ATG2B: variants seen among roughly 807,000 people sequenced by gnomAD.
ATG2B encodes autophagy related 2B.
ATG2B carries 121 observed loss-of-function variants against 241.3 expected under a neutral mutation model. The observed-to-expected ratio is 0.50, with a 90% CI of 0.43 to 0.58. The LOEUF (loss-of-function observed/expected upper bound fraction) is 0.58. ATG2B is among the 20% of genes least tolerant of loss of function. ATG2B has a pLI of 0.00. For missense variants in ATG2B, 2,306 were observed against 2,491.6 expected (o/e 0.93, Z 1.59); for synonymous variants, 858 against 876.6 (o/e 0.98, Z 0.37).
chr14:96,355,900 G>A (rs149105603), intron 1 of ATG2B, among the ~76,000 whole-genome samples: 110 of 152,180 alleles, frequency 7.2e-4, no homozygotes, highest in African/African-American at 2.6e-3. Flanking sequence ...GGCTGAGGGC[G>A]GTGGCTCACA....
chr14:96,287,186 A>G (rs1336625970), intron 41 of ATG2B, among the ~76,000 whole-genome samples: 1 of 144,546 alleles, frequency 6.9e-6, no homozygotes, highest in Non-Finnish European at 1.5e-5. Context: ...ACCAGGAGGC[A>G]GAGCTTGCAG....
intron 5 of ATG2B, 57 bp downstream of exon 5, chr14:96,343,062 A>AT: frequency 7.2e-7 from 1 of 1,397,112 alleles, no homozygotes; most frequent in East Asian, 2.4e-5. Context: ...AATAGCCCCC[A>AT]TTTAAACCTT....
At position 96,312,092 on chromosome 14, in the gene ATG2B, T is replaced by A; in HGVS notation, c.3910A>T (p.Arg1304Ter). ...KCNTVTINLSRDYVRVMDMGL... is the reference protein window; with the variant it reads ...KCNTVTINLS ...CCATTTGTTTTTTAACTCTTACCTC[T>A]ACTCAGATTTATAGTGACAGTATTG... is the stretch of plus-strand genomic sequence containing the variant. Residue 1304 changes from arginine to a stop codon, truncating the protein, a stop_gained, in exon 26 of 42, where the codon AGA becomes TGA. Coordinates refer to ENST00000359933, the MANE Select transcript of ATG2B (RefSeq NM_018036.7). LOFTEE classifies it high-confidence loss of function. The A allele has an allele frequency of 6.2e-7, 1 of 1,604,842 alleles. No individual in the cohort carries two copies. The highest frequency in any genetic ancestry group is 8.5e-7 in the Non-Finnish European group (1 of 1,175,692).
chr14:96,307,589 T>C (rs1011974923), intron 29 of ATG2B, among the ~76,000 whole-genome samples: 6 of 151,994 alleles, frequency 3.9e-5, no homozygotes, highest in African/African-American at 1.2e-4. Context: ...GACAATTCTG[T>C]CCTATAGGCG....
chr14:96,313,217 AAACAAC>A (rs750355194), intron 24 of ATG2B, 60 bp from the exon 25 acceptor site: 2 of 1,401,892 alleles, frequency 1.4e-6, no homozygotes, highest in African/African-American at 2.9e-5. Flanking sequence ...ACTCTATTAA[AAACAAC>A]AACAACAACA....
In ATG2B at chr14:96,302,109, C is replaced by A; in HGVS notation, c.5038-1G>T. Reference sequence around the variant, plus strand: ...ACACGTGTAAGGCTTTCACTGTCAACTACAAGGCAAGAAAGAGAATAACAT... The same window carrying A: ...ACACGTGTAAGGCTTTCACTGTCAAATACAAGGCAAGAAAGAGAATAACAT... On this transcript the variant is annotated splice_acceptor_variant, in intron 33 of 41. Transcript: ENST00000359933. LOFTEE classifies it high-confidence loss of function. 1.3e-6 allele frequency: 2 copies of A among 1,595,544 alleles called. No homozygotes were observed. The highest frequency in any genetic ancestry group is 1.7e-6 in the Non-Finnish European group (2 of 1,164,264).
At chr14:96,287,203 G>A (rs965239550) in intron 41 of ATG2B, among the ~76,000 whole-genome samples, 5 of 129,048 alleles carry the variant, frequency 3.9e-5, no homozygotes, top group Non-Finnish European at 4.6e-5. Context: ...GCAGAGAGCC[G>A]AGATCATGCC....
At chr14:96,314,737 T>C (rs1887258590) in intron 23 of ATG2B, among the ~76,000 whole-genome samples, 1 of 152,238 alleles carries the variant, frequency 6.6e-6, no homozygotes, top group South Asian at 2.1e-4. Flanking sequence ...GCTTCGCTCT[T>C]GTCGCCAGAC....
At chr14:96,361,884 A>C (rs1466487126) in intron 1 of ATG2B, among the ~76,000 whole-genome samples, 3 of 152,202 alleles carry the variant, frequency 2.0e-5, no homozygotes, top group Non-Finnish European at 2.9e-5. Context: ...AAGGGTCATA[A>C]TAAGGTATTT....
At chr14:96,304,359 T>G in intron 32 of ATG2B, 136 bp downstream of exon 32, 1 of 562,864 alleles carries the variant, frequency 1.8e-6, no homozygotes. Context: ...GAGGTAAGAG[T>G]TTTATACAAG....
rs1422192627 is a variant in ATG2B at position 96,290,832 on chromosome 14, G to A, written c.5683C>T (p.His1895Tyr). The change falls in exon 39 of 42, where the codon CAT (histidine) becomes TAT (tyrosine). Residue 1895 changes from histidine (H) to tyrosine (Y), a missense_variant. By Grantham distance (83) the His-to-Tyr change is moderately conservative. This residue lies in a region of ATG2B where 379 missense variants were observed against 480.4 expected (regional missense o/e 0.79). Coordinates refer to ENST00000359933, the MANE Select transcript of ATG2B (RefSeq NM_018036.7). The surrounding 1 kb of genome is among the most constrained non-coding windows in gnomAD (Gnocchi z 4.4). Reference sequence around the variant, plus strand: ...AACTCACCTAATTGTACTAGTGAATGCATAGGTCCAACACCTCCCAGGATT... The same window carrying A: ...AACTCACCTAATTGTACTAGTGAATACATAGGTCCAACACCTCCCAGGATT... Reference protein sequence around the residue: ...PGILGGVGPMHSLVQLVQGLK... With the variant: ...PGILGGVGPMYSLVQLVQGLK... 6.2e-7 allele frequency: 1 copy of A among 1,611,556 alleles called. No homozygotes were observed. The highest frequency in any genetic ancestry group is 8.5e-7 in the Non-Finnish European group (1 of 1,179,302).
In ATG2B at chr14:96,306,724, G is replaced by T. The variant is rs752495082; in HGVS notation, c.4496C>A (p.Ala1499Glu). Reference sequence around the variant, plus strand: ...TTATTAATTTATTACCTGCATGGCTGCTTTTGGTGCAAAAAGAATGCAAAA... The same window carrying T: ...TTATTAATTTATTACCTGCATGGCTTCTTTTGGTGCAAAAAGAATGCAAAA... ...DDFCILFAPK[A>E]AMQEKEEEPV... Residue 1499 changes from alanine (A) to glutamate (E), a missense_variant, in exon 30 of 42, where the codon GCA becomes GAA. Physicochemically the swap from Ala to Glu is moderately radical, Grantham distance 107. Transcript: ENST00000359933. The T allele has an allele frequency of 1.2e-6, 2 of 1,613,398 alleles. No individual in the cohort carries two copies. Among genetic ancestry groups the T allele is most frequent in the Admixed American group, 3.3e-5 (2 of 59,982 alleles).
chr14:96,320,814 C>T (rs1455481863), intron 18 of ATG2B, among the ~76,000 whole-genome samples: 3 of 152,116 alleles, frequency 2.0e-5, no homozygotes, highest in African/African-American at 7.2e-5. Context: ...CATACATCAG[C>T]TCTTTGCGGA....
At position 96,315,311 on chromosome 14, in the gene ATG2B, A is replaced by C; in HGVS notation, c.3561+73T>G. 6 of 1,583,640 alleles carry C rather than the reference A, an allele frequency of 3.8e-6. No homozygotes were observed. In the South Asian group the frequency reaches 5.6e-5, roughly 15 times the overall value. On this transcript the variant is annotated intron_variant, in intron 22 of 41. Coordinates refer to ENST00000359933, the MANE Select transcript of ATG2B (RefSeq NM_018036.7). ...CTCAAAAGTTTTTCCAAGAAAATAA[A>C]TATGTTGCCTTTTATGTAATTATTT...
rs545828868 is a variant in ATG2B, at chr14:96,304,103, A to G, written c.4842+392T>C. ...TCTAGTCTCACAAAGGACCTGCCAG[A>G]TGCACTGTCCAAACACAGGCTTTCC... On this transcript the variant is annotated intron_variant, in intron 32 of 41. Transcript: ENST00000359933. 3.8e-3 allele frequency among the ~76,000 whole-genome samples: 586 copies of G among 152,348 alleles called. 6 individuals are homozygous for G. The highest frequency in any genetic ancestry group is 0.013 in the African/African-American group (541 of 41,576).
At chr14:96,314,442 A>G (rs1372655434) in intron 23 of ATG2B, among the ~76,000 whole-genome samples, 1 of 152,230 alleles carries the variant, frequency 6.6e-6, no homozygotes, top group Non-Finnish European at 1.5e-5. Context: ...AAGCAACATC[A>G]TATTATTGGC....
intron 12 of ATG2B, 107 bp downstream of exon 12, chr14:96,329,377 C>T (rs930011023): frequency 9.8e-6 from 7 of 714,116 alleles, no homozygotes; most frequent in Non-Finnish European, 1.5e-5. Context: ...CAATATTCCT[C>T]CTATGGCTTT....
In ATG2B at chr14:96,341,687, C is replaced by G; in HGVS notation, c.759G>C (p.Lys253Asn). The G allele has an allele frequency of 6.4e-7, 1 of 1,572,420 alleles. No homozygotes were observed. The highest frequency in any genetic ancestry group is 8.6e-7 in the Non-Finnish European group (1 of 1,158,052). ...TTTTGGGGTTCCAGCTAGGTGAGAG[C>G]TTTGGCTCAGTTTCCTACAATAAAG... is the stretch of plus-strand genomic sequence containing the variant. ...CSTAPVETEP[K>N]LSPSWNPKII... The change falls in exon 6 of 42, where the codon AAG becomes AAC. Residue 253 changes from lysine to asparagine, a missense_variant. Physicochemically the swap from Lys to Asn is moderately conservative, Grantham distance 94 (BLOSUM62 0). Transcript: ENST00000359933.
intron 18 of ATG2B, among the ~76,000 whole-genome samples, chr14:96,319,877 C>T (rs765156733): frequency 3.9e-5 from 6 of 152,066 alleles, no homozygotes; most frequent in Admixed American, 6.6e-5. Flanking sequence ...TTTGAAAATA[C>T]AAAGCCGGAT....
Sources: gnomAD v4.1 joint callset for allele counts (sites outside exome capture counted in the v4.1 genomes callset) on GRCh38, gnomAD v4.1.1 for gene constraint, gnomAD v4.1.1 regional missense constraint, Gnocchi (gnomAD v3.1) non-coding constraint, MANE v1.5 for transcripts, NCBI Gene and HGNC (gene_info 2026-07-23, HGNC 2026-07-21) for gene names.